Variants in FSTL5 observed in about 807,000 individuals in gnomAD.
The protein encoded by FSTL5 is follistatin-related protein 5.
In FSTL5, 62 loss-of-function variants were observed where a neutral mutation model predicts 89.1. The observed-to-expected ratio is 0.70, with a 90% CI of 0.57 to 0.86. FSTL5 has a LOEUF of 0.86. FSTL5 is among the 40% of genes least tolerant of loss of function. The pLI is 0.00. For missense variants in FSTL5, 1,057 were observed against 1,001.6 expected, an observed-to-expected ratio of 1.06 and a Z score of -0.75; for synonymous variants, 383 against 346.2, an observed-to-expected ratio of 1.11 and a Z score of -1.18.
chr4:161,598,645 A>G (rs1463367413), intron 7 of FSTL5, among the ~76,000 whole-genome samples: 1 of 152,172 alleles, frequency 6.6e-6, no homozygotes, highest in Non-Finnish European at 1.5e-5. Context: ...AGAAATAGAT[A>G]AATGACAAGT....
intron 6 of FSTL5, among the ~76,000 whole-genome samples, chr4:161,673,132 T>G (rs1050013292): frequency 6.6e-6 from 1 of 152,086 alleles, no homozygotes; most frequent in Non-Finnish European, 1.5e-5. Flanking sequence ...GTACGTTTAT[T>G]GCTAAAAATA....
chr4:161,667,519 T>C (rs1736943394), intron 6 of FSTL5, among the ~76,000 whole-genome samples: 1 of 152,070 alleles, frequency 6.6e-6, no homozygotes, highest in African/African-American at 2.4e-5. Context: ...TAGTAAGGTA[T>C]TGACATTGCA....
At chr4:162,162,547 C>T (rs1733736542) in intron 1 of FSTL5, among the ~76,000 whole-genome samples, 1 of 152,098 alleles carries the variant, frequency 6.6e-6, no homozygotes, top group East Asian at 1.9e-4. Context: ...GGCAAACCAT[C>T]ACACCTGTCA....
At chr4:162,054,810 ACAGT>A (rs1176286028) in intron 2 of FSTL5, among the ~76,000 whole-genome samples, 3 of 151,830 alleles carry the variant, frequency 2.0e-5, no homozygotes, top group Non-Finnish European at 4.4e-5. Context: ...GTTCAGGGAT[ACAGT>A]GTACCTGTAT....
chr4:161,577,144 T>C (rs574611740), intron 8 of FSTL5, among the ~76,000 whole-genome samples: 18 of 152,286 alleles, frequency 1.2e-4, no homozygotes, highest in African/African-American at 4.1e-4. Context: ...GGCAGAATTA[T>C]GTACCAGACT....
chr4:161,433,311 T>C (rs960913108), intron 15 of FSTL5, among the ~76,000 whole-genome samples: 6 of 152,070 alleles, frequency 3.9e-5, no homozygotes, highest in Non-Finnish European at 8.8e-5. Context: ...AAAAATTATA[T>C]GATCATGTAA....
intron 4 of FSTL5, among the ~76,000 whole-genome samples, chr4:161,848,519 G>A (rs1385329492): frequency 6.6e-6 from 1 of 152,072 alleles, no homozygotes; most frequent in Admixed American, 6.6e-5. Flanking sequence ...TAATATGATA[G>A]CACGTAAAGT....
At chr4:161,579,323 T>A (rs1400868048) in intron 8 of FSTL5, among the ~76,000 whole-genome samples, 3 of 151,960 alleles carry the variant, frequency 2.0e-5, no homozygotes, top group Admixed American at 6.5e-5. Flanking sequence ...ACAAAAATTT[T>A]AAAAAAAGAT....
chr4:161,946,289 T>G (rs1182941391), intron 3 of FSTL5, among the ~76,000 whole-genome samples: 7 of 152,306 alleles, frequency 4.6e-5, no homozygotes. Flanking sequence ...TTAATTGCTG[T>G]CCTTCTCCCA....
intron 4 of FSTL5, among the ~76,000 whole-genome samples, chr4:161,785,755 A>G (rs781081685): frequency 1.1e-4 from 17 of 152,180 alleles, no homozygotes; most frequent in Non-Finnish European, 2.1e-4. Context: ...ATTGAGGTTC[A>G]GGTTAATTTT....
intron 3 of FSTL5, among the ~76,000 whole-genome samples, chr4:161,936,166 A>G (rs1424167923): frequency 6.6e-6 from 1 of 152,176 alleles, no homozygotes; most frequent in East Asian, 1.9e-4. Flanking sequence ...GCTTCCTTCA[A>G]TGGAATAGAG....
At chr4:161,691,270 G>T (rs1368136685) in intron 6 of FSTL5, among the ~76,000 whole-genome samples, 1 of 151,690 alleles carries the variant, frequency 6.6e-6, no homozygotes, top group Non-Finnish European at 1.5e-5. Context: ...CTATCCAGTT[G>T]TCCCAGAAAT....
chr4:161,566,032 C>A (rs540121788), intron 8 of FSTL5, among the ~76,000 whole-genome samples: 1 of 147,744 alleles, frequency 6.8e-6, no homozygotes, highest in South Asian at 2.1e-4. Flanking sequence ...TTCCTACCAA[C>A]AGTGTATAAG....
chr4:162,115,808 A>C (rs1405630373), intron 1 of FSTL5, among the ~76,000 whole-genome samples: 1 of 152,154 alleles, frequency 6.6e-6, no homozygotes, highest in Non-Finnish European at 1.5e-5. Flanking sequence ...GCATGGCAAA[A>C]CATGCCATGC....
chr4:162,016,820 A>G (rs756068917), intron 3 of FSTL5, among the ~76,000 whole-genome samples: 1 of 152,184 alleles, frequency 6.6e-6, no homozygotes, highest in Non-Finnish European at 1.5e-5. Flanking sequence ...ATTAGAATAG[A>G]TTGTCAAATT....
At chr4:161,467,951 A>G (rs1262425445) in intron 13 of FSTL5, among the ~76,000 whole-genome samples, 1 of 152,178 alleles carries the variant, frequency 6.6e-6, no homozygotes, top group East Asian at 1.9e-4. Flanking sequence ...AAAGTAGTTT[A>G]TCTCTCAGAA....
chr4:161,717,862 T>C (rs955615897), intron 6 of FSTL5, among the ~76,000 whole-genome samples: 11 of 152,192 alleles, frequency 7.2e-5, no homozygotes, highest in Admixed American at 3.9e-4. Context: ...TTTAAAGATA[T>C]ATCATTTTTT....
At chr4:161,923,473 T>C (rs1056746060) in intron 3 of FSTL5, among the ~76,000 whole-genome samples, 10 of 152,020 alleles carry the variant, frequency 6.6e-5, no homozygotes, top group African/African-American at 2.2e-4. Flanking sequence ...TCAATGTTTA[T>C]AGAGTCTATA....
chr4:161,929,480 C>T (rs756155741), intron 3 of FSTL5, among the ~76,000 whole-genome samples: 4 of 151,490 alleles, frequency 2.6e-5, no homozygotes, highest in African/African-American at 7.3e-5. Flanking sequence ...CTTTAGAATC[C>T]GTTTGTCTAT....
Sources: allele counts gnomAD v4.1 joint callset (sites outside exome capture counted in the v4.1 genomes callset), GRCh38; gene constraint gnomAD v4.1.1; transcripts MANE v1.5; gene names NCBI Gene and HGNC (gene_info 2026-07-23, HGNC 2026-07-21).